JAK1: variants seen among roughly 807,000 people sequenced by gnomAD.
The protein encoded by JAK1 is tyrosine-protein kinase JAK1.
Under a neutral mutation model 136.6 loss-of-function variants are expected in JAK1, and 16 were observed. The observed-to-expected ratio is 0.12, with a 90% CI of 0.08 to 0.18. JAK1 has a LOEUF of 0.18. JAK1 is among the 10% of genes least tolerant of loss of function. The probability of loss-of-function intolerance (pLI) is 1.00; values close to 1 mark genes in which losing one functional copy is unlikely to be tolerated. For missense variants in JAK1, 859 were observed against 1,450.1 expected (o/e 0.59, Z 6.62); for synonymous variants, 492 against 519.5 (o/e 0.95, Z 0.72).
intron 2 of JAK1, among the ~76,000 whole-genome samples, chr1:65,020,225 CAAAAAAAAAA>C (rs375362876): frequency 2.0e-5 from 1 of 50,766 alleles, no homozygotes; most frequent in Non-Finnish European, 4.1e-5. Flanking sequence ...AACTCCGTCT[CAAAAAAAAAA>C]AAAAAAAAAA....
intron 2 of JAK1, among the ~76,000 whole-genome samples, chr1:64,998,599 T>C (rs1415142599): frequency 2.0e-5 from 3 of 152,194 alleles, no homozygotes; most frequent in Non-Finnish European, 4.4e-5. Flanking sequence ...TTTGGCTGTG[T>C]CCCCACCCAA....
intron 17 of JAK1, among the ~76,000 whole-genome samples, chr1:64,842,562 G>A (rs543171391): frequency 1.8e-4 from 28 of 152,204 alleles, no homozygotes; most frequent in African/African-American, 4.1e-4. Flanking sequence ...ACATCCCTGC[G>A]TCAGTGCAGC....
At chr1:64,974,688 C>G (rs972620708) in intron 2 of JAK1, 1 of 152,218 alleles carries the variant, frequency 6.6e-6, no homozygotes, top group Non-Finnish European at 1.5e-5. Context: ...GCGAGGAAAG[C>G]CTCCAGATCA....
rs542229196 is a variant in JAK1, at chr1:64,915,416, G to A, written c.-77-29075C>T. The stretch of plus-strand genomic sequence containing the variant: ...GGCAAAAGCTGATAACCAAATTAAC[G>A]TATACCACAGAAGTCTCCAAAGTCA... On this transcript the variant is annotated intron_variant, in intron 1 of 24. Transcript: ENST00000342505. 5.9e-5 allele frequency among the ~76,000 whole-genome samples: 9 copies of A among 152,232 alleles called. No individual in the cohort carries two copies. The East Asian group carries it at 1.2e-3, about 20-fold the overall frequency.
chr1:64,867,329 A>G (rs576099578), intron 6 of JAK1, 121 bp from the exon 7 acceptor site: 6 of 670,472 alleles, frequency 8.9e-6, no homozygotes, highest in Non-Finnish European at 1.5e-5. Flanking sequence ...ATCTATTCCC[A>G]GAGGACGTTA....
At chr1:65,062,220 T>C (rs1647823253) in intron 1 of JAK1, among the ~76,000 whole-genome samples, 1 of 152,140 alleles carries the variant, frequency 6.6e-6, no homozygotes, top group Non-Finnish European at 1.5e-5. Flanking sequence ...GCACAAATAT[T>C]TTTAGTCCAA....
At chr1:64,925,280 C>T (rs1645564743) in intron 1 of JAK1, among the ~76,000 whole-genome samples, 1 of 151,310 alleles carries the variant, frequency 6.6e-6, no homozygotes, top group African/African-American at 2.4e-5. Context: ...TGGTGGCGCA[C>T]ACCTGTAATG....
intron 19 of JAK1, 42 bp downstream of exon 19, chr1:64,841,203 A>G (rs757545654): frequency 1.5e-5 from 20 of 1,379,296 alleles, no homozygotes; most frequent in Non-Finnish European, 1.0e-6. Flanking sequence ...TGGATGGCGG[A>G]GGGCTCTGCC....
chr1:64,972,474 T>C (rs554281973), intron 2 of JAK1: 2 of 152,346 alleles, frequency 1.3e-5, no homozygotes, highest in African/African-American at 4.8e-5. Context: ...TCTGTGACTG[T>C]GTTCTAAAGC....
At chr1:65,039,986 G>A (rs555064717) in intron 2 of JAK1, among the ~76,000 whole-genome samples, 2 of 152,236 alleles carry the variant, frequency 1.3e-5, no homozygotes, top group African/African-American at 2.4e-5. Flanking sequence ...AGGCTGCAGC[G>A]GGTGGATCAC....
At chr1:64,888,834 A>C (rs1164805747) in intron 1 of JAK1, among the ~76,000 whole-genome samples, 1 of 152,228 alleles carries the variant, frequency 6.6e-6, no homozygotes, top group Non-Finnish European at 1.5e-5. Flanking sequence ...AATATGCATT[A>C]ACTGTGATGC....
chr1:64,991,540 T>C (rs548845298), intron 2 of JAK1: 45 of 152,258 alleles, frequency 3.0e-4, no homozygotes, highest in Non-Finnish European at 6.0e-4. Context: ...TTTAATTTAA[T>C]TAGTTTGATC....
intron 1 of JAK1, among the ~76,000 whole-genome samples, chr1:65,046,596 A>G (rs1647185399): frequency 6.6e-6 from 1 of 152,160 alleles, no homozygotes; most frequent in Non-Finnish European, 1.5e-5. Flanking sequence ...CCATCAGTGG[A>G]ACAGGCCATT....
intron 11 of JAK1, among the ~76,000 whole-genome samples, chr1:64,852,948 TGGACACA>T (rs1158908131): frequency 1.3e-5 from 2 of 152,292 alleles, no homozygotes; most frequent in East Asian, 3.9e-4. Context: ...GTAGTGGAGC[TGGACACA>T]GGACACAGGA....
intron 2 of JAK1, among the ~76,000 whole-genome samples, chr1:64,980,552 TTC>T (rs1236469868): frequency 6.8e-6 from 1 of 147,870 alleles, no homozygotes; most frequent in African/African-American, 2.6e-5. Context: ...GGTCTCAATT[TTC>T]TTTTTTTTTT....
At chr1:64,878,424 G>A (rs1557657481) in intron 4 of JAK1, among the ~76,000 whole-genome samples, 2 of 152,142 alleles carry the variant, frequency 1.3e-5, no homozygotes, top group South Asian at 2.1e-4. Context: ...TCAAGGAGTA[G>A]TCAAAACATC....
chr1:64,966,813 G>A (rs1646394189), upstream of JAK1, among the ~76,000 whole-genome samples: 1 of 151,738 alleles, frequency 6.6e-6, no homozygotes, highest in Admixed American at 6.6e-5. Context: ...ATCTATCGCG[G>A]GGAGTAAAAT....
At chr1:64,999,558 G>A (rs533247588) in intron 2 of JAK1, among the ~76,000 whole-genome samples, 7 of 151,972 alleles carry the variant, frequency 4.6e-5, no homozygotes, top group Non-Finnish European at 7.4e-5. Context: ...GGCAACATAG[G>A]GAGACTCCAT....
intron 1 of JAK1, among the ~76,000 whole-genome samples, chr1:64,911,038 T>C (rs969833324): frequency 2.6e-5 from 4 of 151,164 alleles, no homozygotes; most frequent in African/African-American, 9.7e-5. Flanking sequence ...GCAATTAGAA[T>C]GTTTAAAATG....
Sources: gnomAD v4.1 joint callset for allele counts (sites outside exome capture counted in the v4.1 genomes callset) on GRCh38, gnomAD v4.1.1 for gene constraint, MANE v1.5 for transcripts, NCBI Gene and HGNC (gene_info 2026-07-23, HGNC 2026-07-21) for gene names.